The following ME2 variants were observed in gnomAD, a reference collection of about 807,000 sequenced individuals.
ME2 encodes the protein NAD-dependent malic enzyme, mitochondrial.
ME2 carries 60 observed loss-of-function variants against 73.7 expected under a neutral mutation model. The observed-to-expected ratio is 0.81, with a 90% CI of 0.66 to 1.01. The LOEUF is 1.01. Ranked by LOEUF, ME2 falls within the 50% of genes least tolerant of loss-of-function variation. The probability of loss-of-function intolerance (pLI) is 0.00; values close to 1 mark genes in which losing one functional copy is unlikely to be tolerated. For missense variants in ME2, 594 were observed against 705.5 expected (o/e 0.84, Z 1.79); for synonymous variants, 199 against 236.9 (o/e 0.84, Z 1.47).
chr18:50,940,760 C>G (rs1388943484), intron 15 of ME2, among the ~76,000 whole-genome samples: 1 of 152,234 alleles, frequency 6.6e-6, no homozygotes, highest in Non-Finnish European at 1.5e-5. Flanking sequence ...GCCACAGCAC[C>G]TGGCCTGTGC....
At position 50,920,663 on chromosome 18, in the gene ME2, ACAG is replaced by A; in HGVS notation, c.849_851del (p.Ala285del). On this transcript the variant is annotated inframe_deletion, in exon 9 of 16. Coordinates refer to ENST00000321341, the MANE Select transcript of ME2 (RefSeq NM_002396.5). The stretch of plus-strand genomic sequence containing the variant: ...AAAAATCTTTGTTTTTCTTACAGGG[ACAG>A]CTGCAGTAGCTCTAGCAGGTCTTCT... 6.2e-7 allele frequency: 1 copy of A among 1,600,026 alleles called. No individual in the cohort carries two copies.
rs760396502 is a variant in ME2 at position 50,947,064 on chromosome 18, A to G, written c.1635A>G (p.Glu545=). The G allele has an allele frequency of 7.4e-6, 12 of 1,613,878 alleles. No homozygotes were observed. Among genetic ancestry groups the G allele is most frequent in the Non-Finnish European group, 1.0e-5 (12 of 1,179,880 alleles). The change falls in exon 16 of 16, where the codon GAA becomes GAG. Residue 545 remains glutamate, a synonymous_variant. Transcript: ENST00000321341. ...ATAAAATGGCTTTCCGATACCCAGA[A>G]CCTGAAGACAAGGCCAAATATGTTA... ...YANKMAFRYP[E]PEDKAKYVKE... is the part of the protein sequence containing the mutation.
intron 15 of ME2, among the ~76,000 whole-genome samples, chr18:50,943,738 A>G (rs1485531815): frequency 2.0e-5 from 3 of 152,176 alleles, no homozygotes; most frequent in Non-Finnish European, 4.4e-5. Flanking sequence ...CATGGAAGAA[A>G]ATTTGAAAGT....
chr18:50,926,132 T>C (rs1206515248), intron 12 of ME2, among the ~76,000 whole-genome samples: 1 of 152,210 alleles, frequency 6.6e-6, no homozygotes, highest in Non-Finnish European at 1.5e-5. Flanking sequence ...TTTAATTTTC[T>C]ATGTATTTTA....
Position 50,912,816 on chromosome 18 carries a change from G to A in ME2, c.258G>A (p.Met86Ile). ...TTCATTTCAGATATATCTACATAAT[G>A]GGAATACAAGAAAGAAATGAGAAAT... ...TSPLEKYIYI[M>I]GIQERNEKLF... The change falls in exon 4 of 16, where the codon ATG becomes ATA. Residue 86 changes from methionine (M) to isoleucine (I), a missense_variant. Coordinates refer to ENST00000321341, the MANE Select transcript of ME2 (RefSeq NM_002396.5). The A allele has an allele frequency of 6.3e-7, 1 of 1,593,864 alleles. No individual in the cohort carries two copies.
intron 6 of ME2, 90 bp downstream of exon 6, chr18:50,917,598 G>A (rs909998028): frequency 3.1e-6 from 3 of 957,680 alleles, no homozygotes; most frequent in African/African-American, 3.4e-5. Flanking sequence ...AATTTAAGAA[G>A]GGAAAGTTTT....
Position 50,924,158 on chromosome 18 carries a change from A to G in ME2, c.1117A>G (p.Ile373Val). ...ATTTACTCACTCAGCCCCAGAGAGCATACCTGATACTTTTGAAGATGCAGT... is the reference window on the plus strand; with the variant it reads ...ATTTACTCACTCAGCCCCAGAGAGCGTACCTGATACTTTTGAAGATGCAGT... Reference protein sequence around the residue: ...EPFTHSAPESIPDTFEDAVNI... With the variant: ...EPFTHSAPESVPDTFEDAVNI... The change falls in exon 11 of 16, where the codon ATA (isoleucine) becomes GTA (valine). Residue 373 changes from isoleucine to valine, a missense_variant. Transcript: ENST00000321341. 6.2e-7 allele frequency: 1 copy of G among 1,613,636 alleles called. No individual in the cohort carries two copies. The highest frequency in any genetic ancestry group is 8.5e-7 in the Non-Finnish European group (1 of 1,179,742).
In ME2 at chr18:50,908,116, A is replaced by G. The variant is rs763008370; in HGVS notation, c.162A>G (p.Leu54=). ...ERQMLGLQGL[L]PPKIETQDIQ... is the part of the protein sequence containing the mutation. ...AAATGCTTGGTCTTCAAGGACTTCTACCTCCCAAAATAGAGACACAAGATA... is the reference window on the plus strand; with the variant it reads ...AAATGCTTGGTCTTCAAGGACTTCTGCCTCCCAAAATAGAGACACAAGATA... Residue 54 remains leucine, a synonymous_variant, in exon 3 of 16, where the codon CTA becomes CTG. Transcript: ENST00000321341. The G allele has an allele frequency of 2.5e-6, 4 of 1,604,474 alleles. No homozygotes were observed. The highest frequency in any genetic ancestry group is 3.4e-5 in the Admixed American group (2 of 58,992).
Position 50,947,300 on chromosome 18 carries a change from T to C in ME2, c.*116T>C, listed in dbSNP as rs887093671. The C allele has an allele frequency of 1.8e-6, 2 of 1,095,856 alleles. No homozygotes were observed. Among genetic ancestry groups the C allele is most frequent in the African/African-American group, 1.6e-5 (1 of 63,378 alleles). 67.9% of individuals were successfully genotyped at this position (1,095,856 alleles called of 1,614,324 possible). A position where few individuals can be genotyped will look rare whatever the true frequency, so the allele number is the denominator to read the frequency against. On this transcript the variant is annotated 3_prime_UTR_variant, in exon 16 of 16. Transcript: ENST00000321341. Reference sequence around the variant, plus strand: ...TGTGTTTTGTTCTCCCTGACCACTTTGGTTGATGTATTTTTTCCATGCGTC... The same window carrying C: ...TGTGTTTTGTTCTCCCTGACCACTTCGGTTGATGTATTTTTTCCATGCGTC...
chr18:50,889,527 G>A (rs568346948), intron 1 of ME2, among the ~76,000 whole-genome samples: 3 of 152,232 alleles, frequency 2.0e-5, no homozygotes, highest in Non-Finnish European at 4.4e-5. Flanking sequence ...AATAAAGGGG[G>A]ATTTTTTGAA....
At chr18:50,918,874 T>C (rs1037974386) in intron 7 of ME2, among the ~76,000 whole-genome samples, 3 of 152,206 alleles carry the variant, frequency 2.0e-5, no homozygotes, top group Non-Finnish European at 4.4e-5. Context: ...CCTGCATTTC[T>C]AATAATCAGA....
chr18:50,920,735 A>G lies in ME2; in HGVS notation c.919A>G (p.Ile307Val). 1.2e-6 allele frequency: 2 copies of G among 1,611,570 alleles called. No individual in the cohort carries two copies. The highest frequency in any genetic ancestry group is 1.7e-6 in the Non-Finnish European group (2 of 1,179,680). The change falls in exon 9 of 16, where the codon ATC becomes GTC. Residue 307 changes from isoleucine to valine, a missense_variant. Transcript: ENST00000321341. ...TAGTAAACCAATCTCCGAACACAAAATCTTATTCCTTGGAGCAGGAGAGGT... is the reference window on the plus strand; with the variant it reads ...TAGTAAACCAATCTCCGAACACAAAGTCTTATTCCTTGGAGCAGGAGAGGT... Reference protein sequence around the residue: ...VISKPISEHKILFLGAGEAAL... With the variant: ...VISKPISEHKVLFLGAGEAAL...
intron 14 of ME2, 181 bp downstream of exon 14, chr18:50,939,821 A>C (rs551890473): frequency 1.8e-6 from 1 of 543,016 alleles, no homozygotes; most frequent in East Asian, 3.0e-5. Flanking sequence ...TCATGACTTA[A>C]ATTTTTGTAA....
chr18:50,951,839 C>T lies in ME2; in HGVS notation c.*4655C>T, dbSNP rs2427783. 65,271 of 131,166 alleles carry T rather than the reference C, an allele frequency of 0.5. 17,185 individuals are homozygous for T. The highest frequency in any genetic ancestry group is 0.7 in the South Asian group (2,780 of 3,996). The allele number at this position is 131,166 out of a possible 1,614,324, so 8.1% of individuals were successfully genotyped here. On this transcript the variant is annotated 3_prime_UTR_variant, in exon 16 of 16. Transcript: ENST00000321341. ...CTGAGATCGCACCGCTGCACTCCAG[C>T]CTGGGCGACAGAGTGAGCCTCCATC...
Position 50,949,891 on chromosome 18 carries a change from G to A in ME2, c.*2707G>A, listed in dbSNP as rs1373493553. 1 of 152,182 alleles carries A rather than the reference G, an allele frequency of 6.6e-6. No homozygotes were observed. The highest frequency in any genetic ancestry group is 2.4e-5 in the African/African-American group (1 of 41,450). The allele number at this position is 152,182 out of a possible 1,614,324, so 9.4% of individuals were successfully genotyped here. On this transcript the variant is annotated 3_prime_UTR_variant, in exon 16 of 16. Coordinates refer to ENST00000321341, the MANE Select transcript of ME2 (RefSeq NM_002396.5). ...TAAAATTGCTTAATATTTAAGCTAA[G>A]AATACAGGAAGGACTATGAGCATTG...
At chr18:50,909,157 A>G (rs1279580760) in intron 3 of ME2, among the ~76,000 whole-genome samples, 1 of 148,482 alleles carries the variant, frequency 6.7e-6, no homozygotes, top group Admixed American at 6.8e-5. Context: ...GTTTAACCAT[A>G]TTGCCCATAT....
chr18:50,916,491 A>T (rs1229094486), intron 5 of ME2: 1 of 337,800 alleles, frequency 3.0e-6, no homozygotes, highest in East Asian at 5.0e-5. Context: ...TATCAGCACC[A>T]CTGGTGTCTC....
At chr18:50,906,577 T>C (rs552984408) in intron 2 of ME2, among the ~76,000 whole-genome samples, 1 of 152,292 alleles carries the variant, frequency 6.6e-6, no homozygotes, top group Admixed American at 6.5e-5. Flanking sequence ...CCTCCCAAAG[T>C]GCTGGGATTA....
intron 10 of ME2, among the ~76,000 whole-genome samples, chr18:50,923,328 T>G (rs949437895): frequency 2.6e-5 from 4 of 152,216 alleles, no homozygotes; most frequent in Admixed American, 2.6e-4. Flanking sequence ...CTCAAACTAA[T>G]AAGAAGCTCT....
Sources: gnomAD v4.1 joint callset for allele counts (sites outside exome capture counted in the v4.1 genomes callset) on GRCh38, gnomAD v4.1.1 for gene constraint, MANE v1.5 for transcripts, NCBI Gene and HGNC (gene_info 2026-07-23, HGNC 2026-07-21) for gene names.